Variants in PCNT observed in about 807,000 individuals in gnomAD.
PCNT encodes pericentrin.
PCNT carries 319 observed loss-of-function variants against 380.4 expected under a neutral mutation model. That is an observed-to-expected ratio of 0.84 (90% CI 0.77 to 0.92). The LOEUF is 0.92. PCNT is among the 40% of genes least tolerant of loss of function. The pLI is 0.00. For missense variants in PCNT, 4,400 were observed against 4,255.3 expected, an observed-to-expected ratio of 1.03 and a Z score of -0.95; for synonymous variants, 1,845 against 1,735.2, an observed-to-expected ratio of 1.06 and a Z score of -1.57.
rs2087488491 is a variant in PCNT, at chr21:46,426,079, T to TTTC, written c.7320+110_7320+111insCTT. On this transcript the variant is annotated intron_variant, in intron 33 of 46. Transcript: ENST00000359568. ...CACTAGGATTTCTTTCTTTTTTTTT[T>TTTC]TTTTTTTTTTTTTTTTTGAGACTCG... 27 of 1,026,698 alleles carry TTTC rather than the reference T, an allele frequency of 2.6e-5. 1 individual carries two copies. Among genetic ancestry groups the TTTC allele is most frequent in the Non-Finnish European group, 3.4e-5 (26 of 762,006 alleles). 63.6% of individuals were successfully genotyped at this position (1,026,698 alleles called of 1,614,324 possible). A position where few individuals can be genotyped will look rare whatever the true frequency, so the allele number is the denominator to read the frequency against.
At chr21:46,326,268 TG>T in intron 1 of PCNT, 108 bp from the exon 2 acceptor site, 1 of 945,436 alleles carries the variant, frequency 1.1e-6, no homozygotes. Flanking sequence ...CAGAGTAGAC[TG>T]GGTCAGCCCT....
chr21:46,361,094 A>ACT (rs2084698296), intron 13 of PCNT, among the ~76,000 whole-genome samples: 1 of 152,226 alleles, frequency 6.6e-6, no homozygotes, highest in Non-Finnish European at 1.5e-5. Context: ...TCCAGGGATT[A>ACT]AAATACACAT....
At chr21:46,432,351 T>C in intron 38 of PCNT, 136 bp downstream of exon 38, 1 of 815,152 alleles carries the variant, frequency 1.2e-6, no homozygotes, top group Non-Finnish European at 2.0e-6. Flanking sequence ...GCCCTGACGC[T>C]GGCACCACAC....
At position 46,414,340 on chromosome 21, in the gene PCNT, C is replaced by A. The variant is rs145031914; in HGVS notation, c.6150+1348C>A. ...TGTCTGCACCTCGCCTCCTCCAGTC[C>A]AAGGCCCAGCGCAGCCTCCCTGGAC... On this transcript the variant is annotated intron_variant, in intron 29 of 46. Transcript: ENST00000359568. Among the ~76,000 whole-genome samples, 913 of 152,228 alleles carry A rather than the reference C, an allele frequency of 6.0e-3. 8 individuals are homozygous for A. The highest frequency in any genetic ancestry group is 0.02 in the Middle Eastern group (6 of 294).
In PCNT at chr21:46,431,237, G is replaced by T. The variant is rs982823907; in HGVS notation, c.8065-292G>T. The stretch of plus-strand genomic sequence containing the variant: ...TCTGGTGGAGTGATTTTCTGGAGAG[G>T]GGGCGGGCAGGGGACATCTCTGAAT... On this transcript the variant is annotated intron_variant, in intron 37 of 46. Transcript: ENST00000359568. 54 of 1,274,992 alleles carry T rather than the reference G, an allele frequency of 4.2e-5. 1 individual carries two copies. The East Asian group carries it at 8.3e-4, about 20-fold the overall frequency. The allele number at this position is 1,274,992 out of a possible 1,614,324, so 79.0% of individuals were successfully genotyped here. A position where few individuals can be genotyped will look rare whatever the true frequency, so the allele number is the denominator to read the frequency against.
Position 46,386,739 on chromosome 21 carries a change from C to G in PCNT, c.3464+756C>G, listed in dbSNP as rs2085851602. ...TGGAGGTTTTTCCCAGGTCACCTCA[C>G]AGGGTTTTAAGTTTTGCTTTTGTGT... is the stretch of plus-strand genomic sequence containing the variant. On this transcript the variant is annotated intron_variant, in intron 17 of 46. Coordinates refer to ENST00000359568, the MANE Select transcript of PCNT (RefSeq NM_006031.6). Among the ~76,000 whole-genome samples, 3 of 152,224 alleles carry G rather than the reference C, an allele frequency of 2.0e-5. No individual in the cohort carries two copies. The South Asian group carries it at 6.2e-4, about 31-fold the overall frequency.
intron 3 of PCNT, among the ~76,000 whole-genome samples, chr21:46,345,770 G>A (rs1044505270): frequency 4.6e-5 from 7 of 152,192 alleles, no homozygotes; most frequent in African/African-American, 1.7e-4. Flanking sequence ...GCAGCCTCCA[G>A]GCTGCTCCAT....
chr21:46,363,166 C>T (rs147797086), intron 13 of PCNT, among the ~76,000 whole-genome samples: 6 of 152,300 alleles, frequency 3.9e-5, no homozygotes, highest in East Asian at 3.9e-4. Flanking sequence ...AAGAAGCCTC[C>T]GGCTGCTGCC....
chr21:46,379,541 G>A (rs1415743059), intron 15 of PCNT, among the ~76,000 whole-genome samples: 1 of 152,092 alleles, frequency 6.6e-6, no homozygotes, highest in South Asian at 2.1e-4. Flanking sequence ...TTTGGCCGTC[G>A]TGTCTTCAAG....
intron 29 of PCNT, 117 bp downstream of exon 29, chr21:46,413,109 C>A (rs2086853061): frequency 1.9e-6 from 1 of 515,776 alleles, no homozygotes; most frequent in African/African-American, 2.2e-5. Context: ...CACGCGGCAG[C>A]AAGGTGTGGG....
rs1385203141 is a variant in PCNT, at chr21:46,324,262, G to T, written c.34G>T (p.Val12Leu). The T allele has an allele frequency of 6.2e-7, 1 of 1,612,142 alleles. No homozygotes were observed. Among genetic ancestry groups the T allele is most frequent in the Non-Finnish European group, 8.5e-7 (1 of 1,179,108 alleles). The change falls in exon 1 of 47, where the codon GTG becomes TTG. Residue 12 changes from valine (V) to leucine (L), a missense_variant. Val to Leu is a conservative substitution (Grantham distance 32). Coordinates refer to ENST00000359568, the MANE Select transcript of PCNT (RefSeq NM_006031.6). ...EVEQEQRRRKVEAGRTKLAHF... is the reference protein window; with the variant it reads ...EVEQEQRRRKLEAGRTKLAHF... ...TGAGCAAGAGCAGCGGCGCAGAAAGGTGGAGGCCGGGAGGACGAAGGTAAA... is the reference window on the plus strand; with the variant it reads ...TGAGCAAGAGCAGCGGCGCAGAAAGTTGGAGGCCGGGAGGACGAAGGTAAA...
chr21:46,331,570 A>G (rs1381515186), intron 2 of PCNT, among the ~76,000 whole-genome samples: 1 of 152,324 alleles, frequency 6.6e-6, no homozygotes, highest in Middle Eastern at 3.4e-3. Context: ...TTGGGAGGCC[A>G]ACGTGGGAGG....
At chr21:46,429,301 G>A (rs1247356497) in intron 35 of PCNT, among the ~76,000 whole-genome samples, 23 of 97,776 alleles carry the variant, frequency 2.4e-4, no homozygotes, top group African/African-American at 1.3e-3. Flanking sequence ...GGGGGGTGCC[G>A]GCGCTGTGCG....
chr21:46,425,138 G>A lies in PCNT; in HGVS notation c.7180-693G>A, dbSNP rs1381117475. ...ACCGCGCTGAGCCTCTGGGCTCTGGGCTCTAGGCTGGTCGTGACACCAGCT... is the reference window on the plus strand; with the variant it reads ...ACCGCGCTGAGCCTCTGGGCTCTGGACTCTAGGCTGGTCGTGACACCAGCT... On this transcript the variant is annotated intron_variant, in intron 32 of 46. Coordinates refer to ENST00000359568, the MANE Select transcript of PCNT (RefSeq NM_006031.6). The surrounding 1 kb of genome is among the most constrained non-coding windows in gnomAD (Gnocchi z 4.2). Among the ~76,000 whole-genome samples the A allele has an allele frequency of 1.3e-5, 2 of 152,132 alleles. No homozygotes were observed. The highest frequency in any genetic ancestry group is 2.9e-5 in the Non-Finnish European group (2 of 68,022).
rs545553782 is a variant in PCNT, at chr21:46,436,070, G to C, written c.8918G>C (p.Arg2973Pro). 75 of 1,613,166 alleles carry C rather than the reference G, an allele frequency of 4.6e-5. No homozygotes were observed. The highest frequency in any genetic ancestry group is 5.9e-5 in the Non-Finnish European group (70 of 1,179,972). Residue 2973 changes from arginine (R) to proline (P), a missense_variant, in exon 39 of 47, where the codon CGA (arginine) becomes CCA (proline). By Grantham distance (103) the Arg-to-Pro change is moderately radical. Transcript: ENST00000359568. ...GCGGACCACCTCCGGGAACAGCAGC[G>C]AGAGCTGGAGGCGATGAGGCAGCGG... ...SDADHLREQQ[R>P]ELEAMRQRLL...
intron 21 of PCNT, among the ~76,000 whole-genome samples, chr21:46,395,318 C>T (rs1420619145): frequency 1.3e-5 from 2 of 152,210 alleles, no homozygotes; most frequent in East Asian, 1.9e-4. Flanking sequence ...GGATTCAGGC[C>T]GGGAGTGGTA....
At chr21:46,349,278 C>T (rs548036510) in intron 7 of PCNT, 92 bp downstream of exon 7, 24 of 1,057,488 alleles carry the variant, frequency 2.3e-5, no homozygotes, top group African/African-American at 7.8e-5. Context: ...TGCGTCATTG[C>T]GCACGTTTCC....
chr21:46,355,806 C>T (rs577391216), intron 12 of PCNT, among the ~76,000 whole-genome samples, 180 bp downstream of exon 12: 6 of 152,290 alleles, frequency 3.9e-5, no homozygotes, highest in Non-Finnish European at 8.8e-5. Context: ...GCGTTAGAGG[C>T]GGGGTCACTG....
intron 27 of PCNT, among the ~76,000 whole-genome samples, chr21:46,409,190 C>CT (rs11399485): frequency 0.12 from 15,271 of 123,592 alleles, 1,275 homozygotes; most frequent in South Asian, 0.23. Flanking sequence ...AAACTTTTTA[C>CT]TTTTTTTTTT....
Sources: allele counts gnomAD v4.1 joint callset (sites outside exome capture counted in the v4.1 genomes callset), GRCh38; gene constraint gnomAD v4.1.1; non-coding constraint Gnocchi (gnomAD v3.1); transcripts MANE v1.5; gene names NCBI Gene and HGNC (gene_info 2026-07-23, HGNC 2026-07-21).